Variants in COP1 observed in about 807,000 individuals in gnomAD.
COP1 encodes E3 ubiquitin-protein ligase COP1.
A neutral mutation model predicts 101.3 loss-of-function variants in COP1; 24 were observed. That is an observed-to-expected ratio of 0.24 (90% CI 0.17 to 0.33). The LOEUF (loss-of-function observed/expected upper bound fraction) is 0.33. COP1 is among the 10% of genes least tolerant of loss of function. COP1 has a pLI of 1.00. For missense variants in COP1, 663 were observed against 906.2 expected, an observed-to-expected ratio of 0.73 and a Z score of 3.45; for synonymous variants, 347 against 341.9, an observed-to-expected ratio of 1.01 and a Z score of -0.17.
chr1:176,179,438 G>A (rs1026574936), intron 2 of COP1, among the ~76,000 whole-genome samples: 23 of 152,226 alleles, frequency 1.5e-4, no homozygotes, highest in African/African-American at 5.3e-4. Context: ...TGTTAAGTCA[G>A]AGAGGAGTTT....
At chr1:176,085,964 G>A in intron 9 of COP1, 74 bp from the exon 10 acceptor site, 2 of 731,098 alleles carry the variant, frequency 2.7e-6, no homozygotes, top group Non-Finnish European at 4.5e-6. Flanking sequence ...TCAAATGTTT[G>A]AGCATTTACC....
intron 15 of COP1, among the ~76,000 whole-genome samples, chr1:176,008,077 G>A (rs567227995): frequency 2.6e-5 from 4 of 152,308 alleles, no homozygotes; most frequent in Admixed American, 6.5e-5. Flanking sequence ...TCGGAAAAGC[G>A]CAGTATTTGG....
chr1:176,031,211 C>A (rs1016897616), intron 14 of COP1, among the ~76,000 whole-genome samples: 1 of 152,000 alleles, frequency 6.6e-6, no homozygotes, highest in Non-Finnish European at 1.5e-5. Context: ...CTTATGGTAG[C>A]CCTAAAAAAC....
At chr1:176,052,485 A>C (rs1672739672) in intron 11 of COP1, among the ~76,000 whole-genome samples, 1 of 152,204 alleles carries the variant, frequency 6.6e-6, no homozygotes. Flanking sequence ...AGACTGAATT[A>C]GGATAAATTT....
chr1:176,076,289 GAATA>G (rs751941450), intron 11 of COP1, among the ~76,000 whole-genome samples: 250 of 151,874 alleles, frequency 1.6e-3, no homozygotes, highest in Non-Finnish European at 9.6e-4. Flanking sequence ...GGACCACAGT[GAATA>G]AACATAGAAA....
chr1:175,986,773 T>C (rs541588237), intron 18 of COP1, among the ~76,000 whole-genome samples, 170 bp downstream of exon 18: 14 of 152,346 alleles, frequency 9.2e-5, no homozygotes, highest in Non-Finnish European at 1.8e-4. Flanking sequence ...TCTATTACTA[T>C]GCATTTCAAT....
chr1:176,145,821 G>C (rs58325269), intron 6 of COP1, among the ~76,000 whole-genome samples: 20,765 of 152,070 alleles, frequency 0.14, 3,501 homozygotes, highest in African/African-American at 0.4. Flanking sequence ...TTAAAGAAAG[G>C]CAAGAAAGTG....
At chr1:176,116,929 C>T (rs1403032373) in intron 8 of COP1, among the ~76,000 whole-genome samples, 2 of 152,154 alleles carry the variant, frequency 1.3e-5, no homozygotes, top group South Asian at 2.1e-4. Context: ...AGGGGATAAT[C>T]ACAAGGCAGA....
At chr1:176,067,051 T>A (rs1221226959) in intron 11 of COP1, among the ~76,000 whole-genome samples, 3 of 152,142 alleles carry the variant, frequency 2.0e-5, no homozygotes, top group Non-Finnish European at 4.4e-5. Context: ...TTTCATTGAT[T>A]CACAAAGTAT....
At chr1:176,188,012 C>T (rs909694903) in intron 1 of COP1, among the ~76,000 whole-genome samples, 1 of 151,954 alleles carries the variant, frequency 6.6e-6, no homozygotes, top group Non-Finnish European at 1.5e-5. Flanking sequence ...TCCCCTCTTC[C>T]CTCCATGAGA....
intron 11 of COP1, among the ~76,000 whole-genome samples, chr1:176,070,793 G>A (rs577883681): frequency 1.0e-3 from 155 of 152,232 alleles, no homozygotes; most frequent in African/African-American, 3.6e-3. Context: ...GACTACAGGT[G>A]CACACCACAG....
chr1:176,057,333 C>T (rs1438714778), intron 11 of COP1, among the ~76,000 whole-genome samples: 35 of 152,086 alleles, frequency 2.3e-4, no homozygotes, highest in Admixed American at 2.3e-3. Context: ...CCCTCTCCCT[C>T]TCCCCACGGA....
At position 176,179,147 on chromosome 1, in the gene COP1, G is replaced by A. The variant is rs116603231; in HGVS notation, c.468-3140C>T. Among the ~76,000 whole-genome samples, 1,078 of 151,936 alleles carry A rather than the reference G, an allele frequency of 7.1e-3. 5 individuals carry two copies. The highest frequency in any genetic ancestry group is 9.9e-3 in the Non-Finnish European group (672 of 67,954). On this transcript the variant is annotated intron_variant, in intron 2 of 19. Transcript: ENST00000367669. ...CTCTACTAAAAATACAAGAATTAGC[G>A]GGCATATTGGTGCACACCTATAGTC...
At chr1:176,174,583 G>GT (rs1696645104) in intron 3 of COP1, among the ~76,000 whole-genome samples, 1 of 152,026 alleles carries the variant, frequency 6.6e-6, no homozygotes, top group Non-Finnish European at 1.5e-5. Context: ...ACAGTGAAGA[G>GT]TAACAGAGAA....
chr1:176,015,361 G>A (rs376279687), intron 15 of COP1, among the ~76,000 whole-genome samples: 4 of 152,298 alleles, frequency 2.6e-5, no homozygotes, highest in African/African-American at 7.2e-5. Context: ...GGTCCGAATC[G>A]TTGCAGTTTG....
rs758292050 is a variant in COP1 at position 176,149,089 on chromosome 1, T to C, written c.763-15A>G. ...GCATGTGATTCCTACAATAGAAAATTATAATTTTTCTTTTAAAAAATATAA... is the reference window on the plus strand; with the variant it reads ...GCATGTGATTCCTACAATAGAAAATCATAATTTTTCTTTTAAAAAATATAA... On this transcript the variant is annotated splice_polypyrimidine_tract_variant and intron_variant, in intron 5 of 19. Coordinates refer to ENST00000367669, the MANE Select transcript of COP1 (RefSeq NM_022457.7). 2.0e-6 allele frequency: 3 copies of C among 1,520,326 alleles called. No homozygotes were observed. The highest frequency in any genetic ancestry group is 1.2e-5 in the South Asian group (1 of 82,092). 94.2% of individuals were successfully genotyped at this position (1,520,326 alleles called of 1,614,324 possible).
intron 3 of COP1, among the ~76,000 whole-genome samples, chr1:176,166,264 C>G (rs1695131017): frequency 6.6e-6 from 1 of 152,132 alleles, no homozygotes; most frequent in Non-Finnish European, 1.5e-5. Context: ...GTAGCTAGGA[C>G]TACAGGTGCA....
At chr1:176,171,278 C>T (rs910097133) in intron 3 of COP1, among the ~76,000 whole-genome samples, 2 of 152,112 alleles carry the variant, frequency 1.3e-5, no homozygotes, top group African/African-American at 4.8e-5. Flanking sequence ...CCTTGTACTT[C>T]TATGTTATGG....
chr1:176,086,232 T>C (rs1270830190), intron 9 of COP1, among the ~76,000 whole-genome samples: 1 of 149,520 alleles, frequency 6.7e-6, no homozygotes, highest in African/African-American at 2.5e-5. Flanking sequence ...TCTTTCTTTT[T>C]TTTTTTTTTT....
Sources: gnomAD v4.1 joint callset for allele counts (sites outside exome capture counted in the v4.1 genomes callset) on GRCh38, gnomAD v4.1.1 for gene constraint, MANE v1.5 for transcripts, NCBI Gene and HGNC (gene_info 2026-07-23, HGNC 2026-07-21) for gene names.